MSRB3: variants seen among roughly 807,000 people sequenced by gnomAD.
The protein encoded by MSRB3 is methionine sulfoxide reductase B3.
In MSRB3, 13 loss-of-function variants were observed where a neutral mutation model predicts 21.0. The observed-to-expected ratio is 0.62, with a 90% confidence interval of 0.40 to 0.98. MSRB3 has a LOEUF of 0.98. MSRB3 is among the 50% of genes least tolerant of loss of function. The pLI is 0.00. For missense variants in MSRB3, 199 were observed against 230.3 expected (o/e 0.86, Z 0.88); for synonymous variants, 87 against 88.6 (o/e 0.98, Z 0.10).
intron 5 of MSRB3, among the ~76,000 whole-genome samples, chr12:65,426,550 G>A (rs1402537982): frequency 6.6e-6 from 1 of 152,130 alleles, no homozygotes; most frequent in Non-Finnish European, 1.5e-5. Flanking sequence ...TCTGATTGAT[G>A]ATATTTATTA....
At chr12:65,346,248 T>C (rs1356130697) in intron 4 of MSRB3, among the ~76,000 whole-genome samples, 735 of 135,336 alleles carry the variant, frequency 5.4e-3, no homozygotes, top group South Asian at 7.1e-3. Context: ...CGGCACCTGT[T>C]GTTTCCTGAC....
Position 65,456,683 on chromosome 12 carries a change from A to C in MSRB3, c.390+2858A>C, listed in dbSNP as rs116796300. On this transcript the variant is annotated intron_variant, in intron 6 of 6. Coordinates refer to ENST00000308259, the MANE Select transcript of MSRB3 (RefSeq NM_001031679.3). The stretch of plus-strand genomic sequence containing the variant: ...ACTTTTCATATTTAGAAAGTGTTTG[A>C]CTCTTTCTTAAATAGAACTCTTAAA... Among the ~76,000 whole-genome samples the C allele has an allele frequency of 3.3e-3, 509 of 152,192 alleles. 2 individuals are homozygous for C. Among genetic ancestry groups the C allele is most frequent in the African/African-American group, 0.011 (470 of 41,550 alleles).
chr12:65,361,826 G>A (rs1376980483), intron 4 of MSRB3, among the ~76,000 whole-genome samples: 1 of 152,150 alleles, frequency 6.6e-6, no homozygotes, highest in African/African-American at 2.4e-5. Context: ...TGTTTTCAAA[G>A]TGGCTTGACT....
intron 4 of MSRB3, among the ~76,000 whole-genome samples, chr12:65,366,873 G>A (rs1199449410): frequency 3.3e-5 from 5 of 152,124 alleles, no homozygotes; most frequent in South Asian, 2.1e-4. Context: ...AAACTCCTGC[G>A]GTGATTTTGA....
chr12:65,390,797 G>T (rs1879443006), intron 5 of MSRB3, among the ~76,000 whole-genome samples: 1 of 151,994 alleles, frequency 6.6e-6, no homozygotes, highest in Non-Finnish European at 1.5e-5. Context: ...GATTTTAATG[G>T]TAGTTATTTC....
intron 5 of MSRB3, among the ~76,000 whole-genome samples, chr12:65,382,703 T>C (rs1462536635): frequency 6.6e-6 from 1 of 151,944 alleles, no homozygotes; most frequent in Admixed American, 6.5e-5. Context: ...GTTGGGGCTT[T>C]TTTTGTTGTT....
intron 5 of MSRB3, among the ~76,000 whole-genome samples, chr12:65,427,466 C>T (rs1260239391): frequency 1.3e-5 from 2 of 152,116 alleles, no homozygotes; most frequent in South Asian, 2.1e-4. Flanking sequence ...CTAAGGGCCT[C>T]CTGATTTCTT....
chr12:65,450,880 G>A (rs1017587989), intron 5 of MSRB3, among the ~76,000 whole-genome samples: 11 of 152,150 alleles, frequency 7.2e-5, no homozygotes, highest in African/African-American at 1.9e-4. Context: ...AGGGAATTCC[G>A]CTTTCAAAGT....
chr12:65,366,088 A>G (rs1404493587), intron 4 of MSRB3, among the ~76,000 whole-genome samples: 1 of 152,180 alleles, frequency 6.6e-6, no homozygotes, highest in Non-Finnish European at 1.5e-5. Context: ...AATCCAGTCC[A>G]AGGGCAACCT....
chr12:65,296,251 A>T (rs2136403156), intron 1 of MSRB3, among the ~76,000 whole-genome samples: 1 of 152,318 alleles, frequency 6.6e-6, no homozygotes, highest in Middle Eastern at 3.4e-3. Flanking sequence ...CAATCACCTC[A>T]TTCTTTCCCT....
intron 4 of MSRB3, among the ~76,000 whole-genome samples, chr12:65,363,180 C>T (rs536093427): frequency 7.2e-5 from 11 of 152,302 alleles, no homozygotes; most frequent in African/African-American, 2.6e-4. Flanking sequence ...ACACCTTCTG[C>T]AATGCTAATT....
chr12:65,419,480 C>A, intron 5 of MSRB3: 1 of 741,744 alleles, frequency 1.3e-6, no homozygotes, highest in South Asian at 1.4e-5. Flanking sequence ...CCATAGATGT[C>A]GCTCTCCACA....
intron 1 of MSRB3, among the ~76,000 whole-genome samples, chr12:65,287,889 A>G (rs143729322): frequency 1.3e-5 from 2 of 152,118 alleles, no homozygotes; most frequent in African/African-American, 4.8e-5. Context: ...AACATTTGAC[A>G]GTGAATTGGA....
intron 1 of MSRB3, 125 bp downstream of exon 1, chr12:65,278,990 C>A: frequency 7.4e-6 from 11 of 1,489,302 alleles, no homozygotes; most frequent in Middle Eastern, 1.8e-4. Context: ...CGGCCACCTG[C>A]GGGGACAGCC....
chr12:65,374,493 A>G (rs1282474901), intron 5 of MSRB3, among the ~76,000 whole-genome samples: 1 of 152,206 alleles, frequency 6.6e-6, no homozygotes, highest in Non-Finnish European at 1.5e-5. Context: ...TAACAAGACT[A>G]AAACTTAAAT....
intron 5 of MSRB3, among the ~76,000 whole-genome samples, chr12:65,376,061 ATTAT>A (rs1565862227): frequency 1.3e-5 from 2 of 150,782 alleles, no homozygotes; most frequent in East Asian, 3.9e-4. Flanking sequence ...CCTTTGTATC[ATTAT>A]TTATTTGGTT....
At chr12:65,431,274 C>G (rs529775972) in intron 5 of MSRB3, among the ~76,000 whole-genome samples, 3 of 152,142 alleles carry the variant, frequency 2.0e-5, no homozygotes, top group African/African-American at 7.2e-5. Context: ...AAAAATCAAT[C>G]TCTTTCATTG....
chr12:65,316,465 A>G (rs762003985), intron 2 of MSRB3: 5 of 152,166 alleles, frequency 3.3e-5, no homozygotes, highest in Non-Finnish European at 7.3e-5. Context: ...GGTTCCTGCA[A>G]AGCAAGCTCC....
At chr12:65,439,577 C>T (rs1304702666) in intron 5 of MSRB3, among the ~76,000 whole-genome samples, 2 of 151,390 alleles carry the variant, frequency 1.3e-5, no homozygotes, top group South Asian at 2.1e-4. Context: ...TCGTATAGCC[C>T]ATATTTTTAT....
Sources: allele counts gnomAD v4.1 joint callset (sites outside exome capture counted in the v4.1 genomes callset), GRCh38; gene constraint gnomAD v4.1.1; transcripts MANE v1.5; gene names NCBI Gene and HGNC (gene_info 2026-07-23, HGNC 2026-07-21).